Variants in PCYT2 observed in about 807,000 individuals in gnomAD.
The protein encoded by PCYT2 is ethanolamine-phosphate cytidylyltransferase.
In PCYT2, 33 loss-of-function variants were observed where a neutral mutation model predicts 50.0. The observed-to-expected ratio is 0.66, with a 90% CI of 0.50 to 0.88. The LOEUF is 0.88. Ranked by LOEUF, PCYT2 falls within the 40% of genes least tolerant of loss-of-function variation. PCYT2 has a pLI of 0.00. For synonymous variants in PCYT2, 240 were observed against 203.7 expected (o/e 1.18, Z -1.52); for missense variants, 430 against 519.7 (o/e 0.83, Z 1.68).
At chr17:81,909,663 G>T in intron 1 of PCYT2, 61 bp from the exon 2 acceptor site, 1 of 1,311,392 alleles carries the variant, frequency 7.6e-7, no homozygotes, top group Non-Finnish European at 1.1e-6. Flanking sequence ...GTGTCCCTGT[G>T]GGTTAGGGGC....
intron 2 of PCYT2, chr17:81,909,301 G>A: frequency 7.0e-7 from 1 of 1,430,948 alleles, no homozygotes; most frequent in Non-Finnish European, 9.1e-7. Flanking sequence ...GTGGTGGGGA[G>A]CAGGTGCCCC....
At position 81,903,953 on chromosome 17, in the gene PCYT2, C is replaced by G. The variant is rs1284218258; in HGVS notation, c.*880G>C. ...AAGAACCTCTTCGGCCTCTGGGCTGCTCCAGGCGGGCCGTGACAGGGGTGT... is the reference window on the plus strand; with the variant it reads ...AAGAACCTCTTCGGCCTCTGGGCTGGTCCAGGCGGGCCGTGACAGGGGTGT... On this transcript the variant is annotated 3_prime_UTR_variant, in exon 13 of 13. Coordinates refer to ENST00000538936, the MANE Select transcript of PCYT2 (RefSeq NM_002861.5). 1 of 152,288 alleles carries G rather than the reference C, an allele frequency of 6.6e-6. No individual in the cohort carries two copies. The allele number at this position is 152,288 out of a possible 1,614,324, so 9.4% of individuals were successfully genotyped here. A position where few individuals can be genotyped will look rare whatever the true frequency, so the allele number is the denominator to read the frequency against.
intron 9 of PCYT2, 118 bp from the exon 10 acceptor site, chr17:81,905,853 T>C: frequency 9.0e-7 from 1 of 1,114,368 alleles, no homozygotes; most frequent in Non-Finnish European, 1.4e-6. Flanking sequence ...GTAGCAGGGA[T>C]GGGCTGGGCA....
At position 81,911,382 on chromosome 17, in the gene PCYT2, C is replaced by G. The variant is rs1192544432; in HGVS notation, c.-27G>C. 3.9e-6 allele frequency: 4 copies of G among 1,023,368 alleles called. No individual in the cohort carries two copies. Among genetic ancestry groups the G allele is most frequent in the East Asian group, 1.9e-4 (2 of 10,462 alleles). 63.4% of individuals were successfully genotyped at this position (1,023,368 alleles called of 1,614,324 possible). On this transcript the variant is annotated 5_prime_UTR_variant, in exon 1 of 13. Transcript: ENST00000538936. ...GCCCCGCAGCGGCGGCGCGGACAGC[C>G]TGGCAGCTCCCGGCGACTCCGAGCG...
Position 81,905,532 on chromosome 17 carries a change from G to T in PCYT2, c.904-85C>A, listed in dbSNP as rs1197596500. 4.1e-6 allele frequency: 6 copies of T among 1,458,522 alleles called. No individual in the cohort carries two copies. In the African/African-American group the frequency reaches 7.0e-5, roughly 17 times the overall value. The allele number at this position is 1,458,522 out of a possible 1,614,324, so 90.3% of individuals were successfully genotyped here. On this transcript the variant is annotated intron_variant, in intron 10 of 12. Transcript: ENST00000538936. ...AGCCCAGCACAGGCCCCGGGGGTTG[G>T]GAGAGCTGACCCTGCCCTTTCCTCA...
chr17:81,902,592 C>T lies in PCYT2; in HGVS notation c.*2241G>A. On this transcript the variant is annotated 3_prime_UTR_variant, in exon 13 of 13. Transcript: ENST00000538936. ...GGACGTGGGTGGGGGTGCGGCGGCC[C>T]CTCAGCCTTTGCTTGCCTGCCCCCC... is the stretch of plus-strand genomic sequence containing the variant. The T allele has an allele frequency of 6.5e-7, 1 of 1,538,496 alleles. No homozygotes were observed. The highest frequency in any genetic ancestry group is 8.7e-7 in the Non-Finnish European group (1 of 1,148,686).
Position 81,911,277 on chromosome 17 carries a change from A to C in PCYT2, c.79T>G (p.Cys27Gly). The change falls in exon 1 of 13, where the codon TGC (cysteine) becomes GGC (glycine). Residue 27 changes from cysteine to glycine, a missense_variant. Physicochemically the swap from Cys to Gly is radical, Grantham distance 159. Transcript: ENST00000538936. ...CGGCCCCGCGCTCACCAGCCATCGC[A>C]CCACACCCTCACGGCGCGCCTGCCC... Reference protein sequence around the residue: ...PGGRRAVRVWCDGCYDMVHYG... With the variant: ...PGGRRAVRVWGDGCYDMVHYG... 8.9e-7 allele frequency: 1 copy of C among 1,117,584 alleles called. No individual in the cohort carries two copies. The highest frequency in any genetic ancestry group is 1.1e-6 in the Non-Finnish European group (1 of 906,980). The allele number at this position is 1,117,584 out of a possible 1,614,324, so 69.2% of individuals were successfully genotyped here.
In PCYT2 at chr17:81,907,869, A is replaced by G. The variant is rs1347342801; in HGVS notation, c.408-12T>C. The stretch of plus-strand genomic sequence containing the variant: ...TGCGCTTGCATTCTCTGGGGGACAC[A>G]GTGGGAGTGGGGTCTCATCCTGGGA... On this transcript the variant is annotated splice_polypyrimidine_tract_variant and intron_variant, in intron 4 of 12. Transcript: ENST00000538936. 11 of 1,596,104 alleles carry G rather than the reference A, an allele frequency of 6.9e-6. No homozygotes were observed. The highest frequency in any genetic ancestry group is 8.6e-6 in the Non-Finnish European group (10 of 1,169,002).
Position 81,911,312 on chromosome 17 carries a change from G to C in PCYT2, c.44C>G (p.Pro15Arg). 1.8e-6 allele frequency: 2 copies of C among 1,122,156 alleles called. No individual in the cohort carries two copies. The highest frequency in any genetic ancestry group is 2.2e-6 in the Non-Finnish European group (2 of 910,006). 69.5% of individuals were successfully genotyped at this position (1,122,156 alleles called of 1,614,324 possible). A position where few individuals can be genotyped will look rare whatever the true frequency, so the allele number is the denominator to read the frequency against. Residue 15 changes from proline to arginine, a missense_variant, in exon 1 of 13, where the codon CCG (proline) becomes CGG (arginine). Physicochemically the swap from Pro to Arg is moderately radical, Grantham distance 103 (BLOSUM62 -2). This residue lies in a region of PCYT2 where 63 missense variants were observed against 37.5 expected (regional missense o/e 1.68). Coordinates refer to ENST00000538936, the MANE Select transcript of PCYT2 (RefSeq NM_002861.5). ...GRGAAGGAEQ[P>R]GPGGRRAVRV... is the part of the protein sequence containing the mutation. ...CACGGCGCGCCTGCCCCCCGGGCCC[G>C]GCTGCTCTGCGCCGCCTGCAGCCCC...
At position 81,902,865 on chromosome 17, in the gene PCYT2, C is replaced by A; in HGVS notation, c.*1968G>T. ...GGTCTCCCCTACTCCGCTCACCCCGCAGTTAATGGCAAACGAATAAATAAA... is the reference window on the plus strand; with the variant it reads ...GGTCTCCCCTACTCCGCTCACCCCGAAGTTAATGGCAAACGAATAAATAAA... On this transcript the variant is annotated 3_prime_UTR_variant, in exon 13 of 13. Transcript: ENST00000538936. 1.2e-6 allele frequency: 1 copy of A among 853,284 alleles called. No homozygotes were observed. The allele number at this position is 853,284 out of a possible 1,614,324, so 52.9% of individuals were successfully genotyped here.
rs781759590 is a variant in PCYT2 at position 81,906,935 on chromosome 17, G to A, written c.538-37C>T. 1.1e-5 allele frequency: 17 copies of A among 1,602,464 alleles called. No homozygotes were observed. In the Admixed American group the frequency reaches 2.7e-4, roughly 25 times the overall value. Reference sequence around the variant, plus strand: ...GAGAGGGAGCAGGTTGGCGGGGGAGGCCTCCCAGGTGCTGCCCTCACCAGG... The same window carrying A: ...GAGAGGGAGCAGGTTGGCGGGGGAGACCTCCCAGGTGCTGCCCTCACCAGG... On this transcript the variant is annotated intron_variant, in intron 6 of 12. Transcript: ENST00000538936.
In PCYT2 at chr17:81,902,559, C is replaced by A. The variant is rs1381147653; in HGVS notation, c.*2274G>T. On this transcript the variant is annotated 3_prime_UTR_variant, in exon 13 of 13. Transcript: ENST00000538936. Reference sequence around the variant, plus strand: ...CGGCGTGCCGGGGACTGATGGGGGGCGGCGGCAGGACGTGGGTGGGGGTGC... The same window carrying A: ...CGGCGTGCCGGGGACTGATGGGGGGAGGCGGCAGGACGTGGGTGGGGGTGC... 2 of 1,495,270 alleles carry A rather than the reference C, an allele frequency of 1.3e-6. No homozygotes were observed. The highest frequency in any genetic ancestry group is 8.9e-7 in the Non-Finnish European group (1 of 1,127,818). 92.6% of individuals were successfully genotyped at this position (1,495,270 alleles called of 1,614,324 possible).
At position 81,907,537 on chromosome 17, in the gene PCYT2, T is replaced by C; in HGVS notation, c.537+17A>G. The C allele has an allele frequency of 1.2e-6, 2 of 1,604,044 alleles. No individual in the cohort carries two copies. Among genetic ancestry groups the C allele is most frequent in the Non-Finnish European group, 1.7e-6 (2 of 1,176,038 alleles). ...CTGCAGCTGCGTGCTCAGCTCTCCC[T>C]GCACAGCCGCACTCACCTTGCCAAA... On this transcript the variant is annotated intron_variant, in intron 6 of 12. Transcript: ENST00000538936.
Position 81,908,435 on chromosome 17 carries a change from G to A in PCYT2, c.407+133C>T. 4.4e-6 allele frequency: 3 copies of A among 677,636 alleles called. No individual in the cohort carries two copies. In the South Asian group the frequency reaches 5.3e-5, roughly 12 times the overall value. 42.0% of individuals were successfully genotyped at this position (677,636 alleles called of 1,614,324 possible). ...GGCACCTCCATCCCTCGAGTTCCCAGTCCTGGGCGTGAGGAACATGGCCCA... is the reference window on the plus strand; with the variant it reads ...GGCACCTCCATCCCTCGAGTTCCCAATCCTGGGCGTGAGGAACATGGCCCA... On this transcript the variant is annotated intron_variant, in intron 4 of 12. Transcript: ENST00000538936.
At position 81,901,902 on chromosome 17, in the gene PCYT2, G is replaced by C. The variant is rs1034155839; in HGVS notation, c.*2931C>G. 1 of 169,758 alleles carries C rather than the reference G, an allele frequency of 5.9e-6. No homozygotes were observed. Among genetic ancestry groups the C allele is most frequent in the African/African-American group, 2.4e-5 (1 of 42,122 alleles). The allele number at this position is 169,758 out of a possible 1,614,324, so 10.5% of individuals were successfully genotyped here. A position where few individuals can be genotyped will look rare whatever the true frequency, so the allele number is the denominator to read the frequency against. ...ACTGTGCAGTGTGGCTGGCTCTCCA[G>C]CATCAGGAGTACTGGGGATTGCCTG... On this transcript the variant is annotated 3_prime_UTR_variant, in exon 13 of 13. Transcript: ENST00000538936.
chr17:81,906,285 G>A (rs1361558075), intron 8 of PCYT2, 108 bp from the exon 9 acceptor site: 1 of 1,164,218 alleles, frequency 8.6e-7, no homozygotes, highest in African/African-American at 1.5e-5. Flanking sequence ...GCTCGCCCTT[G>A]TGGGGATGCC....
In PCYT2 at chr17:81,909,548, C is replaced by T. The variant is rs747904304; in HGVS notation, c.144G>A (p.Met48Ile). 7 of 1,613,662 alleles carry T rather than the reference C, an allele frequency of 4.3e-6. No homozygotes were observed. In the East Asian group the frequency reaches 8.9e-5, roughly 21 times the overall value. Residue 48 changes from methionine (M) to isoleucine (I), a missense_variant, in exon 2 of 13, where the codon ATG becomes ATA. Transcript: ENST00000538936. ...HSNQLRQARA[M>I]GDYLIVGVHT... is the part of the protein sequence containing the mutation. The stretch of plus-strand genomic sequence containing the variant: ...GCACGCCTACGATGAGGTAGTCACC[C>T]ATGGCCCGTGCCTGGCGCAGCTGGT...
At position 81,903,717 on chromosome 17, in the gene PCYT2, T is replaced by C. The variant is rs939274735; in HGVS notation, c.*1116A>G. Reference sequence around the variant, plus strand: ...GGCTGTGGAGAGCCTCGCGTGCACCTCGCCTCCAGCTCCTGTGCTGGGTCG... The same window carrying C: ...GGCTGTGGAGAGCCTCGCGTGCACCCCGCCTCCAGCTCCTGTGCTGGGTCG... On this transcript the variant is annotated 3_prime_UTR_variant, in exon 13 of 13. Coordinates refer to ENST00000538936, the MANE Select transcript of PCYT2 (RefSeq NM_002861.5). The C allele has an allele frequency of 2.0e-5, 3 of 152,186 alleles. No homozygotes were observed. The highest frequency in any genetic ancestry group is 4.4e-5 in the Non-Finnish European group (3 of 68,096). 9.4% of individuals were successfully genotyped at this position (152,186 alleles called of 1,614,324 possible).
chr17:81,910,223 C>A (rs1366878179), intron 1 of PCYT2, among the ~76,000 whole-genome samples: 1 of 152,378 alleles, frequency 6.6e-6, no homozygotes, highest in Non-Finnish European at 1.5e-5. Flanking sequence ...CACGTGAACT[C>A]TCAAGCCCAA....
Sources: allele counts gnomAD v4.1 joint callset (sites outside exome capture counted in the v4.1 genomes callset), GRCh38; gene constraint gnomAD v4.1.1; regional missense constraint gnomAD v4.1.1; transcripts MANE v1.5; gene names NCBI Gene and HGNC (gene_info 2026-07-23, HGNC 2026-07-21).